Variants in DKK2 observed in about 807,000 individuals in gnomAD.
DKK2 encodes the protein dickkopf Wnt signaling pathway inhibitor 2.
Under a neutral mutation model 28.1 loss-of-function variants are expected in DKK2, and 11 were observed. The ratio of observed to expected loss-of-function variants is 0.39; its 90% CI spans 0.25 to 0.65. The LOEUF (loss-of-function observed/expected upper bound fraction) is 0.65, where lower values mean the gene tolerates loss of function less well. Among genes scored for constraint, DKK2 ranks in the 30% least tolerant of loss-of-function variants. The pLI, the probability that DKK2 is intolerant of heterozygous loss-of-function variation, is 0.47. For synonymous variants in DKK2, 135 were observed against 126.5 expected (o/e 1.07, Z -0.45); for missense variants, 326 against 335.5 (o/e 0.97, Z 0.22).
At chr4:107,011,706 T>TGTGTGG (rs1473189627) in intron 1 of DKK2, among the ~76,000 whole-genome samples, 1 of 151,438 alleles carries the variant, frequency 6.6e-6, no homozygotes, top group African/African-American at 2.4e-5. Flanking sequence ...TGTGTGTGTG[T>TGTGTGG]GTGTGTGGGT....
chr4:107,004,046 T>C (rs958261683), intron 1 of DKK2, among the ~76,000 whole-genome samples: 2 of 150,258 alleles, frequency 1.3e-5, no homozygotes, highest in African/African-American at 4.8e-5. Context: ...CATAATACTA[T>C]GTGGATTGAA....
chr4:106,991,677 C>A lies in DKK2; in HGVS notation c.222+43693G>T, dbSNP rs374969692. Among the ~76,000 whole-genome samples, 70 of 152,230 alleles carry A rather than the reference C, an allele frequency of 4.6e-4. 2 individuals carry two copies. In the South Asian group the frequency reaches 0.014, roughly 30 times the overall value. On this transcript the variant is annotated intron_variant, in intron 1 of 3. Coordinates refer to ENST00000285311, the MANE Select transcript of DKK2 (RefSeq NM_014421.3). ...ACAGTGTTTTCGTTTTATGCTAACT[C>A]ATTTTTGCCCAGCCCCAACACATAC...
At chr4:106,953,614 A>G (rs1233832043) in intron 1 of DKK2, among the ~76,000 whole-genome samples, 7 of 152,072 alleles carry the variant, frequency 4.6e-5, no homozygotes, top group African/African-American at 1.4e-4. Flanking sequence ...TACTCTTTCC[A>G]CCCATCACTC....
chr4:106,930,123 G>A (rs1001420607), intron 1 of DKK2, among the ~76,000 whole-genome samples: 2 of 152,106 alleles, frequency 1.3e-5, no homozygotes, highest in Non-Finnish European at 2.9e-5. Flanking sequence ...GCTGTGAACA[G>A]TATTTTCTCA....
chr4:107,032,713 A>G (rs1466974390), intron 1 of DKK2, among the ~76,000 whole-genome samples: 1 of 152,112 alleles, frequency 6.6e-6, no homozygotes, highest in Non-Finnish European at 1.5e-5. Flanking sequence ...TCATCTGTCA[A>G]GTATAAAGGG....
At chr4:106,983,571 C>T (rs1400556381) in intron 1 of DKK2, among the ~76,000 whole-genome samples, 2 of 152,098 alleles carry the variant, frequency 1.3e-5, no homozygotes, top group South Asian at 2.1e-4. Context: ...ACCGAAAGCA[C>T]GGTTACCCTC....
intron 1 of DKK2, among the ~76,000 whole-genome samples, chr4:106,970,114 T>C (rs78890771): frequency 0.023 from 3,471 of 152,234 alleles, 45 homozygotes; most frequent in Middle Eastern, 0.034. Context: ...ATGAGATGCG[T>C]TACCTTTGAC....
intron 1 of DKK2, among the ~76,000 whole-genome samples, chr4:106,970,922 A>C (rs932272159): frequency 5.9e-5 from 9 of 152,102 alleles, no homozygotes; most frequent in Non-Finnish European, 1.0e-4. Flanking sequence ...AGTTTCCAAA[A>C]TGTCAACATT....
At chr4:106,989,083 G>A (rs1240293317) in intron 1 of DKK2, among the ~76,000 whole-genome samples, 1 of 152,130 alleles carries the variant, frequency 6.6e-6, no homozygotes, top group Non-Finnish European at 1.5e-5. Flanking sequence ...ATTTTTCATA[G>A]GAGTATGGTG....
chr4:107,014,865 A>G (rs1723571982), intron 1 of DKK2, among the ~76,000 whole-genome samples: 1 of 151,328 alleles, frequency 6.6e-6, no homozygotes, highest in African/African-American at 2.4e-5. Flanking sequence ...ATCAGTAGCC[A>G]TTGTATTTCA....
intron 1 of DKK2, among the ~76,000 whole-genome samples, chr4:107,027,882 G>A (rs1292466809): frequency 6.6e-6 from 1 of 151,708 alleles, no homozygotes; most frequent in Non-Finnish European, 1.5e-5. Context: ...CTCCTGAGTA[G>A]CTGGGACTAC....
intron 1 of DKK2, among the ~76,000 whole-genome samples, chr4:106,935,058 A>G (rs1724559262): frequency 1.3e-5 from 2 of 152,180 alleles, no homozygotes; most frequent in Admixed American, 6.5e-5. Flanking sequence ...GATCACCACA[A>G]AGTTTAAATA....
At chr4:106,966,755 C>A (rs1267388076) in intron 1 of DKK2, among the ~76,000 whole-genome samples, 1 of 152,072 alleles carries the variant, frequency 6.6e-6, no homozygotes, top group Non-Finnish European at 1.5e-5. Context: ...TGGCAGCAGG[C>A]AAAGAGAGAG....
Position 107,004,930 on chromosome 4 carries a change from G to T in DKK2, c.222+30440C>A, listed in dbSNP as rs1723414713. ...AAGAAGGGAAACCCAGGAGCTGAGGGATGTGGGAAGCTTCTAGAAACTGGA... is the reference window on the plus strand; with the variant it reads ...AAGAAGGGAAACCCAGGAGCTGAGGTATGTGGGAAGCTTCTAGAAACTGGA... On this transcript the variant is annotated intron_variant, in intron 1 of 3. Coordinates refer to ENST00000285311, the MANE Select transcript of DKK2 (RefSeq NM_014421.3). Among the ~76,000 whole-genome samples the T allele has an allele frequency of 2.0e-5, 3 of 152,238 alleles. No homozygotes were observed. In the South Asian group the frequency reaches 6.2e-4, roughly 32 times the overall value.
chr4:106,951,410 A>C (rs985108207), intron 1 of DKK2, among the ~76,000 whole-genome samples: 1 of 152,174 alleles, frequency 6.6e-6, no homozygotes, highest in African/African-American at 2.4e-5. Context: ...CCTATTCACA[A>C]TTGCAAAGAT....
At chr4:106,960,860 A>T (rs1305800534) in intron 1 of DKK2, among the ~76,000 whole-genome samples, 3 of 152,138 alleles carry the variant, frequency 2.0e-5, no homozygotes, top group Non-Finnish European at 4.4e-5. Context: ...AATGAAGTGG[A>T]CTGGTTTATA....
intron 1 of DKK2, among the ~76,000 whole-genome samples, chr4:106,994,036 C>A (rs1723238848): frequency 6.6e-6 from 1 of 152,186 alleles, no homozygotes; most frequent in South Asian, 2.1e-4. Context: ...TAATATCATG[C>A]ATTGTAACCT....
intron 1 of DKK2, among the ~76,000 whole-genome samples, chr4:106,983,377 A>AAG (rs1400046052): frequency 6.1e-5 from 6 of 98,554 alleles, no homozygotes; most frequent in African/African-American, 1.9e-4. Context: ...AGAAGAAAGA[A>AAG]AAGAAAGAAA....
chr4:106,968,687 A>C (rs1722819513), intron 1 of DKK2, among the ~76,000 whole-genome samples: 1 of 152,186 alleles, frequency 6.6e-6, no homozygotes, highest in South Asian at 2.1e-4. Flanking sequence ...AATGCACTGC[A>C]TAATGAAGTA....
Sources: allele counts gnomAD v4.1 joint callset (sites outside exome capture counted in the v4.1 genomes callset), GRCh38; gene constraint gnomAD v4.1.1; transcripts MANE v1.5; gene names NCBI Gene and HGNC (gene_info 2026-07-23, HGNC 2026-07-21).